NEXMIF: variants seen among roughly 807,000 people sequenced by gnomAD.
NEXMIF encodes the protein neurite extension and migration factor.
Under a neutral mutation model 62.1 loss-of-function variants are expected in NEXMIF, and 8 were observed. The ratio of observed to expected loss-of-function variants is 0.13; its 90% confidence interval spans 0.08 to 0.23. The LOEUF is 0.23. Ranked by LOEUF, NEXMIF falls within the 10% of genes least tolerant of loss-of-function variation. NEXMIF has a pLI of 1.00. For synonymous variants in NEXMIF, 404 were observed against 416.6 expected (o/e 0.97, Z 0.37); for missense variants, 976 against 1,113.3 (o/e 0.88, Z 1.75).
intron 1 of NEXMIF, among the ~76,000 whole-genome samples, chrX:74,856,554 A>G (rs2080535711): frequency 9.0e-6 from 1 of 111,254 alleles, no homozygotes; most frequent in Admixed American, 9.6e-5. Context: ...CACATATACA[A>G]CAGTGGCCAC....
chrX:74,887,610 C>A (rs1479722315), intron 1 of NEXMIF, among the ~76,000 whole-genome samples: 1 of 110,927 alleles, frequency 9.0e-6, no homozygotes, highest in Non-Finnish European at 1.9e-5. Flanking sequence ...CCATCTCACA[C>A]CAGTTAGAAT....
chrX:74,845,151 C>T (rs368520009), intron 1 of NEXMIF, among the ~76,000 whole-genome samples: 14 of 111,309 alleles, frequency 1.3e-4, no homozygotes, highest in African/African-American at 4.6e-4. Flanking sequence ...CTACTAGGTG[C>T]ATGACTCAGT....
intron 1 of NEXMIF, among the ~76,000 whole-genome samples, chrX:74,810,578 G>T (rs2080357246): frequency 9.6e-6 from 1 of 103,761 alleles, no homozygotes; most frequent in African/African-American, 3.5e-5. Flanking sequence ...ACTGCTTGAG[G>T]TTAGGAGTCA....
rs2080088180 is a variant in NEXMIF at position 74,737,364 on chromosome X, T to C, written c.*2041A>G. ...AGAAGAAGGTTTTCCAGTTTGGTTA[T>C]TTTCCCTTTTGAATGGTAGCTATGG... is the stretch of plus-strand genomic sequence containing the variant. On this transcript the variant is annotated 3_prime_UTR_variant, in exon 4 of 4. Coordinates refer to ENST00000055682, the MANE Select transcript of NEXMIF (RefSeq NM_001008537.3). 1 of 111,987 alleles carries C rather than the reference T, an allele frequency of 8.9e-6. No homozygotes were observed. Among genetic ancestry groups the C allele is most frequent in the Non-Finnish European group, 1.9e-5 (1 of 53,227 alleles). The allele number at this position is 111,987 out of a possible 1,213,427, so 9.2% of individuals were successfully genotyped here.
At chrX:74,891,439 T>C (rs1417194540) in intron 1 of NEXMIF, among the ~76,000 whole-genome samples, 1 of 110,807 alleles carries the variant, frequency 9.0e-6, no homozygotes, top group Non-Finnish European at 1.9e-5. Flanking sequence ...TCTGCTACAA[T>C]CAATAAATAA....
chrX:74,920,605 G>T (rs892955386), intron 1 of NEXMIF, among the ~76,000 whole-genome samples: 6 of 111,377 alleles, frequency 5.4e-5, no homozygotes, highest in African/African-American at 1.6e-4. Flanking sequence ...TAGTTTCTTT[G>T]GCTGTGCAGA....
chrX:74,845,597 C>A (rs2080489328), intron 1 of NEXMIF, among the ~76,000 whole-genome samples: 4 of 110,984 alleles, frequency 3.6e-5, no homozygotes. Context: ...CAAATAATAA[C>A]AAGTGAAGCA....
intron 1 of NEXMIF, among the ~76,000 whole-genome samples, chrX:74,793,451 G>A (rs1602229748): frequency 9.1e-6 from 1 of 109,577 alleles, no homozygotes; most frequent in Admixed American, 9.8e-5. Context: ...ACAATTATGT[G>A]TCTTGGAGTT....
At chrX:74,836,530 C>T (rs1277397619) in intron 1 of NEXMIF, among the ~76,000 whole-genome samples, 1 of 111,042 alleles carries the variant, frequency 9.0e-6, no homozygotes, top group African/African-American at 3.3e-5. Context: ...TGAGTCCTTC[C>T]CTCAAGGCAG....
Position 74,834,134 on chromosome X carries a change from C to CAA in NEXMIF, c.-47-88439_-47-88438dup, listed in dbSNP as rs60340857. Among the ~76,000 whole-genome samples the CAA allele has an allele frequency of 7.5e-3, 401 of 53,152 alleles. 4 individuals carry two copies. The highest frequency in any genetic ancestry group is 0.018 in the African/African-American group (294 of 16,487). The allele number at this position is 53,152 out of a possible 115,157, so 46.2% of individuals were successfully genotyped here. A position where few individuals can be genotyped will look rare whatever the true frequency, so the allele number is the denominator to read the frequency against. ...GGGCAACAAGAGCGAAACTCCATCT[C>CAA]AAAAAAAAAAAAAAAAAGAAAGAAA... On this transcript the variant is annotated intron_variant, in intron 1 of 3. Transcript: ENST00000055682.
intron 1 of NEXMIF, among the ~76,000 whole-genome samples, chrX:74,792,421 T>G (rs1213764643): frequency 9.4e-6 from 1 of 106,242 alleles, no homozygotes; most frequent in African/African-American, 3.4e-5. Context: ...GGAATAGGTG[T>G]GGCGTGGTGC....
chrX:74,863,111 G>T (rs1393035200), intron 1 of NEXMIF, among the ~76,000 whole-genome samples: 1 of 109,222 alleles, frequency 9.2e-6, no homozygotes, highest in Non-Finnish European at 1.9e-5. Flanking sequence ...GGCAGAGGTT[G>T]CAGTGAGCTG....
chrX:74,893,788 C>G (rs2080724834), intron 1 of NEXMIF, among the ~76,000 whole-genome samples: 1 of 112,157 alleles, frequency 8.9e-6, no homozygotes, highest in African/African-American at 3.2e-5. Context: ...AGCTGCCCAA[C>G]CACCAGGATC....
At chrX:74,850,963 A>G (rs2080511139) in intron 1 of NEXMIF, among the ~76,000 whole-genome samples, 1 of 110,860 alleles carries the variant, frequency 9.0e-6, no homozygotes, top group African/African-American at 3.3e-5. Flanking sequence ...TAAACAGCAC[A>G]AAAAAATCAG....
intron 1 of NEXMIF, among the ~76,000 whole-genome samples, chrX:74,783,482 G>A (rs1001861736): frequency 9.0e-6 from 1 of 111,687 alleles, no homozygotes; most frequent in Admixed American, 9.6e-5. Flanking sequence ...ACATTACATT[G>A]TATATGAAGT....
intron 1 of NEXMIF, among the ~76,000 whole-genome samples, chrX:74,904,155 T>C (rs1489656245): frequency 9.0e-6 from 1 of 110,896 alleles, no homozygotes; most frequent in African/African-American, 3.3e-5. Flanking sequence ...ACACTTGCCC[T>C]TGCCTTGTAA....
At position 74,852,356 on chromosome X, in the gene NEXMIF, A is replaced by T. The variant is rs949054081; in HGVS notation, c.-48+72527T>A. ...AGATCTAAAGGGAGAGATAGACTCCAATACAATAATAGTTGGGAACTTCAA... is the reference window on the plus strand; with the variant it reads ...AGATCTAAAGGGAGAGATAGACTCCTATACAATAATAGTTGGGAACTTCAA... On this transcript the variant is annotated intron_variant, in intron 1 of 3. Coordinates refer to ENST00000055682, the MANE Select transcript of NEXMIF (RefSeq NM_001008537.3). Among the ~76,000 whole-genome samples, 5 of 111,903 alleles carry T rather than the reference A, an allele frequency of 4.5e-5. No homozygotes were observed. The Admixed American group carries it at 4.7e-4, about 11-fold the overall frequency.
rs376193494 is a variant in NEXMIF at position 74,741,269 on chromosome X, C to T, written c.3288G>A (p.Lys1096=). 27 of 1,207,867 alleles carry T rather than the reference C, an allele frequency of 2.2e-5. No homozygotes were observed. The highest frequency in any genetic ancestry group is 2.6e-5 in the Non-Finnish European group (23 of 893,682). Residue 1096 remains lysine (K), a synonymous_variant, in exon 3 of 4, where the codon AAG becomes AAA. Transcript: ENST00000055682. The part of the protein sequence containing the change: ...CESMKTLGTL[K]GFQEGVPGPL... ...GTCCTGGGACACCCTCTTGGAACCC[C>T]TTTAGTGTTCCTAGTGTCTTCATAC...
chrX:74,863,026 G>C (rs2080563594), intron 1 of NEXMIF, among the ~76,000 whole-genome samples: 1 of 110,168 alleles, frequency 9.1e-6, no homozygotes, highest in South Asian at 3.9e-4. Context: ...ACAAAACTTA[G>C]CCGGGTGTGG....
Sources: allele counts gnomAD v4.1 joint callset (sites outside exome capture counted in the v4.1 genomes callset), GRCh38; gene constraint gnomAD v4.1.1; transcripts MANE v1.5; gene names NCBI Gene and HGNC (gene_info 2026-07-23, HGNC 2026-07-21).